The following HYAL4 variants were observed in gnomAD, a reference collection of about 807,000 sequenced individuals.
The protein encoded by HYAL4 is hyaluronidase 4, also known as hyaluronidase-4.
HYAL4 carries 37 observed loss-of-function variants against 35.2 expected under a neutral mutation model. The observed-to-expected ratio is 1.05, with a 90% CI of 0.81 to 1.38. The LOEUF is 1.38. Ranked by LOEUF, HYAL4 falls within the 40% of genes most tolerant of loss-of-function variation. The pLI is 0.00. For synonymous variants in HYAL4, 198 were observed against 203.2 expected, an observed-to-expected ratio of 0.97 and a Z score of 0.22; for missense variants, 572 against 572.4, an observed-to-expected ratio of 1.00 and a Z score of 0.01.
chr7:123,831,241 G>A (rs973436047), intron 1 of HYAL4, among the ~76,000 whole-genome samples: 1 of 152,120 alleles, frequency 6.6e-6, no homozygotes, highest in African/African-American at 2.4e-5. Flanking sequence ...GCTACCCCTT[G>A]ATCTGCTTCC....
chr7:123,792,850 C>T, the HYAL4 span, among the ~76,000 whole-genome samples: 1 of 152,104 alleles, frequency 6.6e-6, no homozygotes, highest in African/African-American at 2.4e-5. Context: ...GGAGTAATAT[C>T]AGGTAAGGTC....
the HYAL4 span, among the ~76,000 whole-genome samples, chr7:123,809,109 T>C: frequency 2.0e-5 from 3 of 152,208 alleles, no homozygotes; most frequent in African/African-American, 7.2e-5. Flanking sequence ...CATCATGCCT[T>C]TAACACATGA....
chr7:123,829,067 A>G (rs967946897), exon 1 of HYAL4: 5 of 152,634 alleles, frequency 3.3e-5, no homozygotes, highest in African/African-American at 1.2e-4. Context: ...ACAATCATGG[A>G]AGAGTATTCG....
the HYAL4 span, among the ~76,000 whole-genome samples, chr7:123,784,857 G>C: frequency 6.6e-6 from 1 of 152,150 alleles, no homozygotes. Flanking sequence ...TGTTGCTTTT[G>C]TTACTGTACA....
At chr7:123,826,284 AAG>A (rs1215636374), upstream of HYAL4, among the ~76,000 whole-genome samples, 1 of 152,092 alleles carries the variant, frequency 6.6e-6, no homozygotes, top group Non-Finnish European at 1.5e-5. Flanking sequence ...TGGAGCTTCT[AAG>A]AGTGGAAAAA....
At chr7:123,811,323 T>G in the HYAL4 span, among the ~76,000 whole-genome samples, 1 of 152,342 alleles carries the variant, frequency 6.6e-6, no homozygotes, top group African/African-American at 2.4e-5. Context: ...GTATGAGAGT[T>G]TCCTGTTGCT....
chr7:123,785,523 A>G, the HYAL4 span, among the ~76,000 whole-genome samples: 2 of 152,314 alleles, frequency 1.3e-5, no homozygotes, highest in African/African-American at 4.8e-5. This position sits in a 1 kb window ranked among gnomAD's most constrained non-coding sequence, Gnocchi z 4.5. Context: ...CTTATTTACT[A>G]CTTGATTAAC....
In HYAL4 at chr7:123,877,142, G is replaced by T. The variant is rs2116973254; in HGVS notation, c.1433G>T (p.Ser478Ile). ...CTACTGCTTTTAGCAAGTTATCGAA[G>T]CATTCAGTTGTGAGATAATTGAGTT... Reference protein sequence around the residue: ...LCLLLLASYRSIQL With the variant: ...LCLLLLASYRIIQL Residue 478 changes from serine to isoleucine, a missense_variant, in exon 5 of 5, where the codon AGC becomes ATC. Ser to Ile is a moderately radical substitution (Grantham distance 142). Coordinates refer to ENST00000223026, the MANE Select transcript of HYAL4 (RefSeq NM_012269.3). 6.2e-7 allele frequency: 1 copy of T among 1,613,066 alleles called. No individual in the cohort carries two copies. Among genetic ancestry groups the T allele is most frequent in the Non-Finnish European group, 8.5e-7 (1 of 1,179,278 alleles).
chr7:123,874,670 G>T lies in HYAL4; in HGVS notation c.955-91G>T, dbSNP rs941968976. 9.6e-6 allele frequency: 7 copies of T among 728,032 alleles called. No homozygotes were observed. In the Admixed American group the frequency reaches 1.5e-4, roughly 15 times the overall value. The allele number at this position is 728,032 out of a possible 1,614,324, so 45.1% of individuals were successfully genotyped here. A position where few individuals can be genotyped will look rare whatever the true frequency, so the allele number is the denominator to read the frequency against. ...TCTGCCCGCCTGGGCCTCCCAAAGT[G>T]CTGGGATTACAGGCGTGAGCCACCG... is the stretch of plus-strand genomic sequence containing the variant. On this transcript the variant is annotated intron_variant, in intron 3 of 4. Transcript: ENST00000223026.
the HYAL4 span, among the ~76,000 whole-genome samples, chr7:123,782,867 C>G: frequency 6.6e-6 from 1 of 152,002 alleles, no homozygotes; most frequent in Non-Finnish European, 1.5e-5. Flanking sequence ...TTTCCTGTGA[C>G]ACATATAACA....
the HYAL4 span, among the ~76,000 whole-genome samples, chr7:123,813,846 G>C: frequency 4.6e-5 from 7 of 152,182 alleles, no homozygotes; most frequent in African/African-American, 1.7e-4. Flanking sequence ...GTCAGTACAA[G>C]AAGGTTTGGG....
At chr7:123,764,652 T>TATC in the HYAL4 span, among the ~76,000 whole-genome samples, 1 of 152,234 alleles carries the variant, frequency 6.6e-6, no homozygotes, top group African/African-American at 2.4e-5. Context: ...GAAACTTTCC[T>TATC]TGTAGCTCTC....
chr7:123,795,571 G>A, the HYAL4 span, among the ~76,000 whole-genome samples: 2 of 151,952 alleles, frequency 1.3e-5, no homozygotes, highest in Non-Finnish European at 2.9e-5. Context: ...GTTTTATAAG[G>A]GGCTTTCCCC....
intron 2 of HYAL4, among the ~76,000 whole-genome samples, chr7:123,861,480 T>A (rs1162657387): frequency 1.3e-5 from 2 of 152,164 alleles, no homozygotes; most frequent in South Asian, 2.1e-4. Flanking sequence ...TTCCAAGAAA[T>A]CTGTTGATCT....
chr7:123,831,130 T>G (rs148218347), intron 1 of HYAL4, among the ~76,000 whole-genome samples: 19 of 152,288 alleles, frequency 1.2e-4, no homozygotes, highest in Non-Finnish European at 2.2e-4. Context: ...ACAAAGGGCT[T>G]AGTGGCATTG....
intron 1 of HYAL4, among the ~76,000 whole-genome samples, chr7:123,834,033 G>A (rs1390079116): frequency 3.3e-5 from 5 of 152,054 alleles, no homozygotes; most frequent in African/African-American, 1.2e-4. Flanking sequence ...CTCCAGGTTT[G>A]TTCTTTTTGC....
the HYAL4 span, among the ~76,000 whole-genome samples, chr7:123,799,742 T>C: frequency 6.6e-6 from 1 of 152,204 alleles, no homozygotes; most frequent in Admixed American, 6.5e-5. Context: ...TTTGTTCTTT[T>C]TATCAGATAT....
chr7:123,851,334 G>A (rs1035026291), intron 2 of HYAL4, among the ~76,000 whole-genome samples: 3 of 152,120 alleles, frequency 2.0e-5, no homozygotes, highest in Non-Finnish European at 4.4e-5. Context: ...ATGGTGGTCT[G>A]CTGCACCAAT....
the HYAL4 span, among the ~76,000 whole-genome samples, chr7:123,766,760 T>C: frequency 1.3e-5 from 2 of 152,178 alleles, no homozygotes; most frequent in African/African-American, 4.8e-5. Flanking sequence ...TCCAGAAATA[T>C]TGACATAATT....
Sources: allele counts gnomAD v4.1 joint callset (sites outside exome capture counted in the v4.1 genomes callset), GRCh38; gene constraint gnomAD v4.1.1; non-coding constraint Gnocchi (gnomAD v3.1); transcripts MANE v1.5; gene names NCBI Gene and HGNC (gene_info 2026-07-23, HGNC 2026-07-21).